GNG7: variants seen among roughly 807,000 people sequenced by gnomAD.
GNG7 encodes the protein G protein subunit gamma 7, also known as guanine nucleotide-binding protein G(I)/G(S)/G(O) subunit gamma-7.
A neutral mutation model predicts 4.0 loss-of-function variants in GNG7; 1 was observed. That is an observed-to-expected ratio of 0.25 (90% confidence interval 0.09 to 1.18). The LOEUF (loss-of-function observed/expected upper bound fraction) is 1.18, where lower values mean the gene tolerates loss of function less well. Ranked by LOEUF, GNG7 falls within the 50% of genes most tolerant of loss-of-function variation. GNG7 has a pLI of 0.50. For synonymous variants in GNG7, 34 were observed against 36.9 expected (o/e 0.92, Z 0.29); for missense variants, 86 against 91.9 (o/e 0.94, Z 0.26).
intron 3 of GNG7, among the ~76,000 whole-genome samples, chr19:2,543,939 C>G (rs1979044988): frequency 6.6e-6 from 1 of 152,178 alleles, no homozygotes; most frequent in South Asian, 2.1e-4. Context: ...AGCTTTATAG[C>G]TCGCAGAGCT....
intron 3 of GNG7, among the ~76,000 whole-genome samples, chr19:2,531,627 C>CGGG: frequency 6.6e-6 from 1 of 151,036 alleles, no homozygotes; most frequent in East Asian, 2.0e-4. Flanking sequence ...AAAAATTAGC[C>CGGG]AGGCTTGGTG....
chr19:2,695,440 A>G (rs1440511571), intron 1 of GNG7, among the ~76,000 whole-genome samples: 2 of 152,120 alleles, frequency 1.3e-5, no homozygotes, highest in Admixed American at 1.3e-4. Flanking sequence ...TGCCTCATTC[A>G]CGTGGTGCTC....
chr19:2,637,396 C>T (rs909861164), intron 2 of GNG7, among the ~76,000 whole-genome samples: 5 of 152,034 alleles, frequency 3.3e-5, no homozygotes, highest in African/African-American at 1.2e-4. Flanking sequence ...CAGAGACCCC[C>T]GCAGGCGCCT....
In GNG7 at chr19:2,674,769, C is replaced by T. The variant is rs190124274; in HGVS notation, c.-135+27877G>A. ...GACTGTTTTAAAACACAGAGGACAC[C>T]TGCTGAGATGCAAAGTCAGGGAGTG... On this transcript the variant is annotated intron_variant, in intron 1 of 4. Transcript: ENST00000382159. 2.6e-3 allele frequency among the ~76,000 whole-genome samples: 401 copies of T among 152,282 alleles called. 2 individuals are homozygous for T. The highest frequency in any genetic ancestry group is 9.1e-3 in the African/African-American group (380 of 41,560).
chr19:2,519,146 C>CTTTTTTTTT (rs71178282), intron 4 of GNG7, among the ~76,000 whole-genome samples: 41 of 84,526 alleles, frequency 4.9e-4, no homozygotes, highest in Non-Finnish European at 6.4e-4. Context: ...TTTCTTGTTT[C>CTTTTTTTTT]TTTTTTTTTT....
intron 2 of GNG7, among the ~76,000 whole-genome samples, chr19:2,637,660 C>T (rs2144850182): frequency 6.6e-6 from 1 of 152,350 alleles, no homozygotes; most frequent in Middle Eastern, 3.4e-3. Flanking sequence ...AATTCCGTCC[C>T]CTCTACTGGG....
intron 2 of GNG7, among the ~76,000 whole-genome samples, chr19:2,645,568 T>C (rs1249646128): frequency 6.6e-6 from 1 of 150,856 alleles, no homozygotes; most frequent in Non-Finnish European, 1.5e-5. Flanking sequence ...AAAAATTTTG[T>C]TTTAAGATTT....
chr19:2,599,405 G>C (rs1358705210), intron 2 of GNG7, among the ~76,000 whole-genome samples: 1 of 152,070 alleles, frequency 6.6e-6, no homozygotes, highest in Non-Finnish European at 1.5e-5. Flanking sequence ...AGCATTTCTA[G>C]GACTTCGGCG....
chr19:2,661,241 AAAGAAAAG>A (rs1366632388), intron 1 of GNG7, among the ~76,000 whole-genome samples: 132 of 115,976 alleles, frequency 1.1e-3, no homozygotes, highest in Non-Finnish European at 1.6e-3. Context: ...GGAAAGAAAG[AAAGAAAAG>A]AAAGAAAGAA....
intron 1 of GNG7, among the ~76,000 whole-genome samples, chr19:2,679,631 G>T (rs1194596892): frequency 1.3e-5 from 2 of 152,084 alleles, no homozygotes; most frequent in East Asian, 3.8e-4. Context: ...ACTCTAGAAG[G>T]CTCTGGGAGT....
rs145527199 is a variant in GNG7, at chr19:2,654,103, T to G, written c.-134-7823A>C. Among the ~76,000 whole-genome samples the G allele has an allele frequency of 2.7e-3, 405 of 150,710 alleles. 2 individuals carry two copies. Among genetic ancestry groups the G allele is most frequent in the African/African-American group, 9.5e-3 (390 of 40,866 alleles). ...ATATGCACGAGGGGGTGAGTTTGAG[T>G]GAGGCGGTCTCCATGCAGAGGAAGG... On this transcript the variant is annotated intron_variant, in intron 1 of 4. Transcript: ENST00000382159.
Position 2,573,147 on chromosome 19 carries a change from T to A in GNG7, c.-77-17959A>T, listed in dbSNP as rs1367848919. 6.7e-5 allele frequency among the ~76,000 whole-genome samples: 10 copies of A among 149,896 alleles called. No homozygotes were observed. The Admixed American group carries it at 6.7e-4, about 10-fold the overall frequency. On this transcript the variant is annotated intron_variant, in intron 2 of 4. Coordinates refer to ENST00000382159, the MANE Select transcript of GNG7 (RefSeq NM_052847.3). ...TTCAAGCGATTCTCCTGCCTCAGCC[T>A]CCTGAGTAGCTGGGATTACAGGCGC...
chr19:2,640,407 T>A (rs921102806), intron 2 of GNG7, among the ~76,000 whole-genome samples: 18 of 152,086 alleles, frequency 1.2e-4, no homozygotes, highest in Non-Finnish European at 2.1e-4. Context: ...TTAACGAGCG[T>A]CAAGAATGAG....
chr19:2,553,870 T>G (rs1210336906), intron 3 of GNG7, among the ~76,000 whole-genome samples: 1 of 148,394 alleles, frequency 6.7e-6, no homozygotes, highest in African/African-American at 2.5e-5. Context: ...ATATGTAACA[T>G]TGCATACATG....
chr19:2,683,387 G>A (rs1373146969), intron 1 of GNG7: 2 of 152,014 alleles, frequency 1.3e-5, no homozygotes, highest in East Asian at 1.9e-4. Context: ...CACCACTCCC[G>A]GCCAAGACCC....
At chr19:2,655,114 G>T (rs1311472206) in intron 1 of GNG7, among the ~76,000 whole-genome samples, 1 of 151,636 alleles carries the variant, frequency 6.6e-6, no homozygotes, top group Non-Finnish European at 1.5e-5. Context: ...TGCTGAGTCT[G>T]GGAGGTCGAG....
At chr19:2,587,629 C>T (rs10411427) in intron 2 of GNG7, among the ~76,000 whole-genome samples, 26,769 of 151,944 alleles carry the variant, frequency 0.18, 2,506 homozygotes, top group African/African-American at 0.21. Flanking sequence ...CTGAGTCACC[C>T]GGGCCTCATG....
chr19:2,656,208 T>C (rs1459266795), intron 1 of GNG7, among the ~76,000 whole-genome samples: 1 of 152,196 alleles, frequency 6.6e-6, no homozygotes, highest in East Asian at 1.9e-4. Context: ...ATCCCACTTC[T>C]GGGTATACAT....
intron 2 of GNG7, among the ~76,000 whole-genome samples, chr19:2,596,352 C>T (rs973732239): frequency 1.7e-5 from 2 of 115,088 alleles, no homozygotes; most frequent in East Asian, 2.5e-4. Context: ...GAGTGAGAGT[C>T]GGTCCCTAAA....
Sources: allele counts gnomAD v4.1 joint callset (sites outside exome capture counted in the v4.1 genomes callset), GRCh38; gene constraint gnomAD v4.1.1; transcripts MANE v1.5; gene names NCBI Gene and HGNC (gene_info 2026-07-23, HGNC 2026-07-21).